Variants in RBFOX1 observed in about 807,000 individuals in gnomAD.
RBFOX1 encodes the protein RNA binding protein fox-1 homolog 1.
RBFOX1 carries 8 observed loss-of-function variants against 57.7 expected under a neutral mutation model. The observed-to-expected ratio is 0.14, with a 90% CI of 0.08 to 0.25. RBFOX1 has a LOEUF of 0.25. RBFOX1 is among the 10% of genes least tolerant of loss of function. RBFOX1 has a pLI of 1.00. For missense variants in RBFOX1, 611 were observed against 548.5 expected (o/e 1.11, Z -1.14); for synonymous variants, 326 against 222.4 (o/e 1.47, Z -4.15).
At chr16:6,762,429 A>G (rs1335671748) in intron 3 of RBFOX1, among the ~76,000 whole-genome samples, 1 of 152,188 alleles carries the variant, frequency 6.6e-6, no homozygotes, top group Non-Finnish European at 1.5e-5. Flanking sequence ...ACCACCACCG[A>G]CAATGAAATT....
At chr16:6,407,978 G>C (rs1289575037) in intron 2 of RBFOX1, among the ~76,000 whole-genome samples, 1 of 152,058 alleles carries the variant, frequency 6.6e-6, no homozygotes, top group African/African-American at 2.4e-5. Flanking sequence ...AGGCCATGAG[G>C]GTAGACCTCT....
chr16:6,019,121 T>TC lies in RBFOX1; in HGVS notation c.-997dup. On this transcript the variant is annotated 5_prime_UTR_variant, in exon 1 of 16. It removes the in-frame stop codon of an upstream open reading frame in the 5' UTR. Coordinates refer to ENST00000550418, the MANE Select transcript of RBFOX1 (RefSeq NM_018723.4). This position sits in a 1 kb window ranked among gnomAD's most constrained non-coding sequence, Gnocchi z 4.2. ...CACACACACACATGCACACATTTTC[T>TC]CGCGCTCTCTCCGGCTCTCCTTTGT... 1 of 984,820 alleles carries TC rather than the reference T, an allele frequency of 1.0e-6. No homozygotes were observed. The highest frequency in any genetic ancestry group is 1.2e-6 in the Non-Finnish European group (1 of 829,872). 61.0% of individuals were successfully genotyped at this position (984,820 alleles called of 1,614,324 possible). A position where few individuals can be genotyped will look rare whatever the true frequency, so the allele number is the denominator to read the frequency against.
At chr16:6,655,025 A>G (rs1420456717) in intron 3 of RBFOX1, among the ~76,000 whole-genome samples, 4 of 151,796 alleles carry the variant, frequency 2.6e-5, no homozygotes, top group Non-Finnish European at 5.9e-5. Flanking sequence ...ATTATAGAAT[A>G]TATAATATTA....
At chr16:7,370,770 C>T (rs913555980) in intron 4 of RBFOX1, among the ~76,000 whole-genome samples, 1 of 152,198 alleles carries the variant, frequency 6.6e-6, no homozygotes, top group South Asian at 2.1e-4. Flanking sequence ...GCTTTCTGAA[C>T]ATTCATGCAT....
At chr16:5,893,157 T>C (rs1450182882) in intron 4 of RBFOX1, among the ~76,000 whole-genome samples, 2 of 152,194 alleles carry the variant, frequency 1.3e-5, no homozygotes, top group Non-Finnish European at 2.9e-5. Flanking sequence ...CTAAATTACT[T>C]ACCGTGGAAT....
chr16:6,776,179 G>T (rs1283232040), intron 3 of RBFOX1, among the ~76,000 whole-genome samples: 1 of 152,046 alleles, frequency 6.6e-6, no homozygotes, highest in Non-Finnish European at 1.5e-5. Context: ...TGGGAGGCCA[G>T]TGCAGACAGA....
At chr16:5,767,510 C>A (rs563854533) in intron 3 of RBFOX1, among the ~76,000 whole-genome samples, 66 of 152,228 alleles carry the variant, frequency 4.3e-4, no homozygotes, top group African/African-American at 1.3e-3. Context: ...GTTCAGAGCC[C>A]CTGTGCAGAC....
At chr16:7,681,900 G>A (rs2074856406) in intron 14 of RBFOX1, among the ~76,000 whole-genome samples, 1 of 152,066 alleles carries the variant, frequency 6.6e-6, no homozygotes, top group Non-Finnish European at 1.5e-5. Context: ...AGCAGCCCTT[G>A]TTCTTATTCT....
chr16:6,380,202 A>G (rs917029850), intron 2 of RBFOX1, among the ~76,000 whole-genome samples: 1 of 152,060 alleles, frequency 6.6e-6, no homozygotes, highest in African/African-American at 2.4e-5. Context: ...GAATTGGCTC[A>G]TTCAGATGAC....
chr16:7,345,780 C>T (rs1031315225), intron 4 of RBFOX1, among the ~76,000 whole-genome samples: 8 of 152,052 alleles, frequency 5.3e-5, no homozygotes, highest in African/African-American at 1.2e-4. Flanking sequence ...GGGTTAGAGA[C>T]GCCGTCTGCA....
chr16:5,616,953 A>G (rs564653698), intron 3 of RBFOX1, among the ~76,000 whole-genome samples: 1 of 144,564 alleles, frequency 6.9e-6, no homozygotes, highest in African/African-American at 2.6e-5. Context: ...TTAAATAGAT[A>G]CTTATTGGCA....
At chr16:6,590,320 T>C (rs924875376) in intron 2 of RBFOX1, among the ~76,000 whole-genome samples, 2 of 152,192 alleles carry the variant, frequency 1.3e-5, no homozygotes, top group African/African-American at 4.8e-5. Context: ...GCCTCAACCA[T>C]CGGATTTGCC....
intron 4 of RBFOX1, among the ~76,000 whole-genome samples, chr16:5,945,254 G>A (rs1435240238): frequency 6.6e-6 from 1 of 152,082 alleles, no homozygotes; most frequent in Non-Finnish European, 1.5e-5. Context: ...TCTTACCTTT[G>A]GTTTTAGCTA....
intron 2 of RBFOX1, among the ~76,000 whole-genome samples, chr16:6,383,656 C>G (rs531896323): frequency 6.6e-6 from 1 of 151,890 alleles, no homozygotes; most frequent in Non-Finnish European, 1.5e-5. Context: ...TATAATCCTA[C>G]CTACTCGGGA....
intron 4 of RBFOX1, among the ~76,000 whole-genome samples, chr16:7,446,017 A>G (rs899621505): frequency 4.6e-5 from 7 of 152,254 alleles, no homozygotes; most frequent in Admixed American, 3.3e-4. Flanking sequence ...AGCCTGCCCA[A>G]CAATTTGTAG....
At chr16:6,694,441 C>G (rs1400600612) in intron 3 of RBFOX1, among the ~76,000 whole-genome samples, 2 of 152,202 alleles carry the variant, frequency 1.3e-5, no homozygotes, top group Non-Finnish European at 2.9e-5. Context: ...GTGAACATTT[C>G]ATTTTGGATA....
At chr16:6,553,754 A>T (rs910456289) in intron 2 of RBFOX1, among the ~76,000 whole-genome samples, 1 of 152,176 alleles carries the variant, frequency 6.6e-6, no homozygotes, top group African/African-American at 2.4e-5. Context: ...GTGATAGGAG[A>T]GGTGGCAGGT....
chr16:6,340,776 A>T (rs183281190), intron 2 of RBFOX1, among the ~76,000 whole-genome samples: 2 of 152,072 alleles, frequency 1.3e-5, no homozygotes, highest in Admixed American at 6.6e-5. Flanking sequence ...ATTCCTTACT[A>T]TCTGGGAATG....
At chr16:6,009,054 A>C (rs1216206341) in intron 4 of RBFOX1, among the ~76,000 whole-genome samples, 1 of 152,042 alleles carries the variant, frequency 6.6e-6, no homozygotes, top group Non-Finnish European at 1.5e-5. Flanking sequence ...AGAGGGATGC[A>C]AGAAAATTCT....
Sources: allele counts gnomAD v4.1 joint callset (sites outside exome capture counted in the v4.1 genomes callset), GRCh38; gene constraint gnomAD v4.1.1; non-coding constraint Gnocchi (gnomAD v3.1); transcripts MANE v1.5; gene names NCBI Gene and HGNC (gene_info 2026-07-23, HGNC 2026-07-21).